SMG7: variants seen among roughly 807,000 people sequenced by gnomAD.
SMG7 encodes nonsense-mediated mRNA decay factor SMG7.
SMG7 carries 34 observed loss-of-function variants against 148.2 expected under a neutral mutation model. The observed-to-expected ratio is 0.23, with a 90% CI of 0.17 to 0.31. SMG7 has a LOEUF of 0.31. Among genes scored for constraint, SMG7 ranks in the 10% least tolerant of loss-of-function variants. The pLI is 1.00. For synonymous variants in SMG7, 492 were observed against 515.1 expected (o/e 0.96, Z 0.61); for missense variants, 1,114 against 1,408.4 (o/e 0.79, Z 3.35).
intron 4 of SMG7, among the ~76,000 whole-genome samples, chr1:183,522,350 TGA>T (rs1664942629): frequency 1.3e-5 from 2 of 151,540 alleles, no homozygotes; most frequent in South Asian, 4.2e-4. Flanking sequence ...ATCAAGAAAA[TGA>T]GAGAGAGAAG....
At chr1:183,491,649 C>T (rs945899535) in intron 1 of SMG7, among the ~76,000 whole-genome samples, 10 of 151,942 alleles carry the variant, frequency 6.6e-5, no homozygotes, top group African/African-American at 2.2e-4. Context: ...ACTGATGAAT[C>T]TAGTTTATTA....
At chr1:183,524,940 C>T (rs887053013) in intron 4 of SMG7, among the ~76,000 whole-genome samples, 4 of 151,990 alleles carry the variant, frequency 2.6e-5, no homozygotes, top group African/African-American at 9.7e-5. Flanking sequence ...CTTTTTGTAC[C>T]TGACTTGCCC....
chr1:183,550,642 G>C, intron 20 of SMG7, 109 bp from the exon 21 acceptor site: 1 of 1,075,172 alleles, frequency 9.3e-7, no homozygotes, highest in Non-Finnish European at 1.4e-6. Flanking sequence ...TCAAAGCCCT[G>C]TGGTTATTGT....
intron 17 of SMG7, 91 bp downstream of exon 17, chr1:183,546,428 C>A: frequency 7.3e-7 from 1 of 1,375,434 alleles, no homozygotes; most frequent in East Asian, 2.3e-5. Flanking sequence ...ATAAAAAGGC[C>A]ACTCTTATTC....
chr1:183,519,001 C>G (rs1260689856), intron 4 of SMG7, among the ~76,000 whole-genome samples: 1 of 152,120 alleles, frequency 6.6e-6, no homozygotes, highest in Non-Finnish European at 1.5e-5. Flanking sequence ...AATCACAACA[C>G]TTTGGGAAGC....
intron 3 of SMG7, among the ~76,000 whole-genome samples, chr1:183,517,400 C>T (rs540122668): frequency 5.9e-5 from 9 of 152,182 alleles, no homozygotes; most frequent in African/African-American, 1.7e-4. Context: ...GAATTTCTAC[C>T]GGGATTCCTA....
chr1:183,533,359 T>C, intron 9 of SMG7, 33 bp downstream of exon 9: 1 of 1,595,184 alleles, frequency 6.3e-7, no homozygotes, highest in Non-Finnish European at 8.6e-7. Flanking sequence ...TGTGCCATCT[T>C]TTTTGAAAAA....
chr1:183,552,810 T>C lies in SMG7; in HGVS notation c.*879T>C. Reference sequence around the variant, plus strand: ...GCTAGTCCATTCACAGCCTGACACGTTCTAATAGGTAGAAGCTTTCAGTGT... The same window carrying C: ...GCTAGTCCATTCACAGCCTGACACGCTCTAATAGGTAGAAGCTTTCAGTGT... On this transcript the variant is annotated 3_prime_UTR_variant, in exon 23 of 23. Coordinates refer to ENST00000688051, the MANE Select transcript of SMG7 (RefSeq NM_001375584.1). 7.0e-7 allele frequency: 1 copy of C among 1,425,296 alleles called. No individual in the cohort carries two copies. The highest frequency in any genetic ancestry group is 9.1e-7 in the Non-Finnish European group (1 of 1,093,652). 88.3% of individuals were successfully genotyped at this position (1,425,296 alleles called of 1,614,324 possible).
intron 1 of SMG7, among the ~76,000 whole-genome samples, chr1:183,490,423 A>G (rs1038846259): frequency 6.6e-6 from 1 of 152,152 alleles, no homozygotes; most frequent in African/African-American, 2.4e-5. Flanking sequence ...ACCTGTGGAC[A>G]TTTTCTATGC....
intron 1 of SMG7, among the ~76,000 whole-genome samples, chr1:183,477,815 C>T (rs1393763264): frequency 6.6e-6 from 1 of 151,850 alleles, no homozygotes; most frequent in Admixed American, 6.6e-5. Flanking sequence ...TGTGTCTATG[C>T]ACATATGTGT....
At chr1:183,538,303 A>C in intron 11 of SMG7, 77 bp from the exon 12 acceptor site, 1 of 945,210 alleles carries the variant, frequency 1.1e-6, no homozygotes, top group South Asian at 1.3e-5. Flanking sequence ...TTAATTTTTA[A>C]AAAAATTTAG....
chr1:183,534,343 C>CT (rs1253857003), intron 10 of SMG7, among the ~76,000 whole-genome samples: 3 of 152,202 alleles, frequency 2.0e-5, no homozygotes, highest in Non-Finnish European at 4.4e-5. Flanking sequence ...ATTCTGACAG[C>CT]TCTTAGGAAC....
chr1:183,490,911 A>T (rs146240028), intron 1 of SMG7, among the ~76,000 whole-genome samples: 8 of 152,106 alleles, frequency 5.3e-5, no homozygotes, highest in African/African-American at 1.9e-4. Flanking sequence ...TCAGCCTCCT[A>T]AGTAGCTGGG....
intron 18 of SMG7, among the ~76,000 whole-genome samples, chr1:183,548,201 C>T (rs1670272048): frequency 1.3e-5 from 2 of 152,134 alleles, no homozygotes; most frequent in Admixed American, 6.5e-5. Flanking sequence ...TGGGTAGTAG[C>T]AGTAGGGGCC....
intron 12 of SMG7, among the ~76,000 whole-genome samples, chr1:183,540,615 G>A (rs1668650184): frequency 6.6e-6 from 1 of 151,920 alleles, no homozygotes; most frequent in African/African-American, 2.4e-5. Flanking sequence ...TCTTAGCATT[G>A]CCATGGTCAT....
In SMG7 at chr1:183,504,328, T is replaced by G. The variant is rs144781525; in HGVS notation, c.30-8509T>G. Among the ~76,000 whole-genome samples, 135 of 150,884 alleles carry G rather than the reference T, an allele frequency of 8.9e-4. 1 individual carries two copies. Among genetic ancestry groups the G allele is most frequent in the African/African-American group, 2.2e-3 (88 of 40,690 alleles). On this transcript the variant is annotated intron_variant, in intron 1 of 22. Transcript: ENST00000688051. ...CGATTTTTCTGTTGATATCTTGATT[T>G]ATTTATTTATTTATTTATTTATTTA...
intron 14 of SMG7, among the ~76,000 whole-genome samples, chr1:183,543,831 T>C (rs1352415729): frequency 2.0e-5 from 3 of 152,152 alleles, no homozygotes; most frequent in African/African-American, 4.8e-5. Context: ...AAAGTATCCT[T>C]ATTTATTCTG....
chr1:183,485,330 T>C (rs1183614898), intron 1 of SMG7, among the ~76,000 whole-genome samples: 1 of 152,200 alleles, frequency 6.6e-6, no homozygotes, highest in African/African-American at 2.4e-5. Context: ...ATCTGAACAC[T>C]CTTCTCATCA....
In SMG7 at chr1:183,533,792, C is replaced by T. The variant is rs751255948; in HGVS notation, c.1123C>T (p.Pro375Ser). 8 of 1,613,114 alleles carry T rather than the reference C, an allele frequency of 5.0e-6. No individual in the cohort carries two copies. The East Asian group carries it at 1.8e-4, about 36-fold the overall frequency. Residue 375 changes from proline (P) to serine (S), a missense_variant, in exon 10 of 23, where the codon CCC becomes TCC. Coordinates refer to ENST00000688051, the MANE Select transcript of SMG7 (RefSeq NM_001375584.1). ...CTCCATGGACTGGCTAAGACTCAGA[C>T]CCAGGGTCTTTCAGGAGGCAGTGGT... Reference protein sequence around the residue: ...KVSMDWLRLRPRVFQEAVVDE... With the variant: ...KVSMDWLRLRSRVFQEAVVDE...
Sources: gnomAD v4.1 joint callset for allele counts (sites outside exome capture counted in the v4.1 genomes callset) on GRCh38, gnomAD v4.1.1 for gene constraint, MANE v1.5 for transcripts, NCBI Gene and HGNC (gene_info 2026-07-23, HGNC 2026-07-21) for gene names.